SYN3: variants seen among roughly 807,000 people sequenced by gnomAD.
SYN3 encodes the protein synapsin III.
A neutral mutation model predicts 65.8 loss-of-function variants in SYN3; 35 were observed. That is an observed-to-expected ratio of 0.53 (90% confidence interval 0.41 to 0.70). The LOEUF (loss-of-function observed/expected upper bound fraction) is 0.70. Ranked by LOEUF, SYN3 falls within the 30% of genes least tolerant of loss-of-function variation. SYN3 has a pLI of 0.00. For synonymous variants in SYN3, 270 were observed against 292.9 expected (o/e 0.92, Z 0.80); for missense variants, 680 against 749.0 (o/e 0.91, Z 1.08).
intron 7 of SYN3, among the ~76,000 whole-genome samples, chr22:32,542,434 A>G (rs114633117): frequency 0.017 from 2,499 of 151,118 alleles, 70 homozygotes; most frequent in African/African-American, 0.058. Context: ...TTGTGTATTC[A>G]TATGTGTGTG....
intron 6 of SYN3, among the ~76,000 whole-genome samples, chr22:32,618,228 C>T (rs80024275): frequency 3.3e-5 from 5 of 152,208 alleles, no homozygotes; most frequent in African/African-American, 1.2e-4. Flanking sequence ...AATAAATGTT[C>T]GGGAGCCAAA....
intron 7 of SYN3, among the ~76,000 whole-genome samples, chr22:32,550,892 A>AAATCAACTC (rs1249953114): frequency 6.6e-6 from 1 of 152,180 alleles, no homozygotes; most frequent in Non-Finnish European, 1.5e-5. Context: ...GAAGACACAT[A>AAATCAACTC]AATCAACTCA....
At chr22:32,535,908 G>A (rs2058157688) in intron 9 of SYN3, among the ~76,000 whole-genome samples, 1 of 152,242 alleles carries the variant, frequency 6.6e-6, no homozygotes, top group Admixed American at 6.5e-5. Flanking sequence ...GTCAGGCCCT[G>A]TGTATGAGTC....
chr22:32,990,716 C>T (rs559799654), intron 2 of SYN3, among the ~76,000 whole-genome samples: 25 of 152,280 alleles, frequency 1.6e-4, no homozygotes, highest in Admixed American at 1.0e-3. Flanking sequence ...TCATAGAATC[C>T]ACAGTCTTGT....
At chr22:32,713,363 C>T (rs926127805) in intron 6 of SYN3, among the ~76,000 whole-genome samples, 5 of 152,224 alleles carry the variant, frequency 3.3e-5, no homozygotes, top group Admixed American at 1.3e-4. Context: ...TTTTCTGCCC[C>T]TAGTTCCTCC....
chr22:32,856,545 T>G (rs1569279443), intron 6 of SYN3, among the ~76,000 whole-genome samples: 1 of 152,184 alleles, frequency 6.6e-6, no homozygotes, highest in South Asian at 2.1e-4. Flanking sequence ...TGATACATAA[T>G]AAATGGACAT....
chr22:32,569,569 C>CTATATA (rs1481673554), intron 7 of SYN3, among the ~76,000 whole-genome samples: 39 of 76,478 alleles, frequency 5.1e-4, no homozygotes, highest in African/African-American at 7.1e-4. Context: ...CTCTCTCTCT[C>CTATATA]TCTATATATA....
chr22:32,598,064 T>C (rs1025298695), intron 6 of SYN3, among the ~76,000 whole-genome samples: 1 of 152,218 alleles, frequency 6.6e-6, no homozygotes, highest in Admixed American at 6.5e-5. Context: ...AGTTATGTAC[T>C]AATAACATAA....
intron 6 of SYN3, among the ~76,000 whole-genome samples, chr22:32,654,069 C>A (rs1328078402): frequency 6.6e-6 from 1 of 152,362 alleles, no homozygotes. Context: ...AGTACCCACA[C>A]TGGGGGCCTG....
intron 6 of SYN3, among the ~76,000 whole-genome samples, chr22:32,725,599 G>C (rs933886260): frequency 6.6e-6 from 1 of 152,172 alleles, no homozygotes; most frequent in South Asian, 2.1e-4. Flanking sequence ...AGTGAGAGGA[G>C]GAGATGTGAT....
chr22:32,823,501 G>C (rs1249037211), intron 6 of SYN3, among the ~76,000 whole-genome samples: 1 of 152,214 alleles, frequency 6.6e-6, no homozygotes, highest in Non-Finnish European at 1.5e-5. Flanking sequence ...AAAGCAGCCA[G>C]GGTCCAGTGG....
intron 6 of SYN3, among the ~76,000 whole-genome samples, chr22:32,658,221 T>C (rs2060168892): frequency 6.6e-6 from 1 of 152,202 alleles, no homozygotes; most frequent in Admixed American, 6.5e-5. Flanking sequence ...CAGACACCCC[T>C]AGAGCCCAGG....
chr22:32,671,331 C>T (rs2060359154), intron 6 of SYN3, among the ~76,000 whole-genome samples: 1 of 151,912 alleles, frequency 6.6e-6, no homozygotes, highest in Non-Finnish European at 1.5e-5. Flanking sequence ...GTCACATACA[C>T]ACACCCATCC....
intron 6 of SYN3, among the ~76,000 whole-genome samples, chr22:32,610,739 C>T (rs758350353): frequency 2.0e-5 from 3 of 152,202 alleles, no homozygotes; most frequent in Admixed American, 6.5e-5. Flanking sequence ...CATGCCACCA[C>T]GCCTGGCTAA....
intron 6 of SYN3, among the ~76,000 whole-genome samples, chr22:32,726,863 C>T (rs1463737711): frequency 3.3e-5 from 5 of 152,136 alleles, no homozygotes; most frequent in Admixed American, 6.5e-5. Context: ...TCCCACAACC[C>T]ATTCTCAACA....
At chr22:32,787,930 T>C (rs2046233547) in intron 6 of SYN3, among the ~76,000 whole-genome samples, 1 of 151,948 alleles carries the variant, frequency 6.6e-6, no homozygotes, top group South Asian at 2.1e-4. Context: ...GGGACTGAGT[T>C]TGGCTTGGTT....
chr22:32,918,973 C>G (rs9621599), intron 4 of SYN3, among the ~76,000 whole-genome samples: 1 of 152,164 alleles, frequency 6.6e-6, no homozygotes, highest in Non-Finnish European at 1.5e-5. Flanking sequence ...AGGCCGCCTA[C>G]CTGGGCTAGT....
chr22:32,974,673 G>T (rs941982266), intron 3 of SYN3, among the ~76,000 whole-genome samples: 8 of 152,076 alleles, frequency 5.3e-5, no homozygotes, highest in African/African-American at 1.7e-4. Context: ...CATGTAAGAG[G>T]GAGTGTATGA....
chr22:32,583,596 C>A (rs1350078212), intron 7 of SYN3, among the ~76,000 whole-genome samples: 1 of 152,226 alleles, frequency 6.6e-6, no homozygotes, highest in Admixed American at 6.5e-5. Context: ...CTGTGCAAAT[C>A]ATTTCTCCTC....
Sources: gnomAD v4.1 joint callset for allele counts (sites outside exome capture counted in the v4.1 genomes callset) on GRCh38, gnomAD v4.1.1 for gene constraint, MANE v1.5 for transcripts, NCBI Gene and HGNC (gene_info 2026-07-23, HGNC 2026-07-21) for gene names.